The following CELSR1 variants were observed in gnomAD, a reference collection of about 807,000 sequenced individuals.
The protein encoded by CELSR1 is adhesion G protein-coupled receptor C1.
In CELSR1, 110 loss-of-function variants were observed where a neutral mutation model predicts 249.1. The observed-to-expected ratio is 0.44, with a 90% CI of 0.38 to 0.52. The LOEUF (loss-of-function observed/expected upper bound fraction) is 0.52. Among genes scored for constraint, CELSR1 ranks in the 20% least tolerant of loss-of-function variants. The probability of loss-of-function intolerance (pLI) is 0.00; values close to 1 mark genes in which losing one functional copy is unlikely to be tolerated. For missense variants in CELSR1, 4,109 were observed against 4,296.4 expected, an observed-to-expected ratio of 0.96 and a Z score of 1.22; for synonymous variants, 2,113 against 1,900.0, an observed-to-expected ratio of 1.11 and a Z score of -2.92.
Position 46,380,687 on chromosome 22 carries a change from G to C in CELSR1, c.7256+101C>G, listed in dbSNP as rs1354744406. 1 of 1,373,618 alleles carries C rather than the reference G, an allele frequency of 7.3e-7. No individual in the cohort carries two copies. The highest frequency in any genetic ancestry group is 1.0e-6 in the Non-Finnish European group (1 of 1,001,448). The allele number at this position is 1,373,618 out of a possible 1,614,324, so 85.1% of individuals were successfully genotyped here. On this transcript the variant is annotated intron_variant, in intron 22 of 34. Transcript: ENST00000674500. This position sits in a 1 kb window ranked among gnomAD's most constrained non-coding sequence, Gnocchi z 5.1. ...CTTAAAGGGGAAACACAGACCACAAGAGACCGTCCTCTTGGGGCGCTCTGC... is the reference window on the plus strand; with the variant it reads ...CTTAAAGGGGAAACACAGACCACAACAGACCGTCCTCTTGGGGCGCTCTGC...
chr22:46,368,416 C>T (rs939410718), intron 27 of CELSR1, among the ~76,000 whole-genome samples: 1 of 151,982 alleles, frequency 6.6e-6, no homozygotes, highest in Non-Finnish European at 1.5e-5. Context: ...CCCGTGCACC[C>T]CCATATCCGG....
In CELSR1 at chr22:46,363,849, C is replaced by A; in HGVS notation, c.9035+147G>T. On this transcript the variant is annotated intron_variant, in intron 34 of 34. Transcript: ENST00000674500. The surrounding 1 kb of genome is among the most constrained non-coding windows in gnomAD (Gnocchi z 4.3). ...CCTGACCTCAGCTGCAGCGCCTCCC[C>A]CCTCCCCCATCCCCGCCTGGGCTTC... 1.8e-6 allele frequency: 2 copies of A among 1,121,714 alleles called. No individual in the cohort carries two copies. The highest frequency in any genetic ancestry group is 2.7e-5 in the East Asian group (1 of 37,608). The allele number at this position is 1,121,714 out of a possible 1,614,324, so 69.5% of individuals were successfully genotyped here. A position where few individuals can be genotyped will look rare whatever the true frequency, so the allele number is the denominator to read the frequency against.
intron 2 of CELSR1, chr22:46,462,784 T>C (rs1168547128): frequency 2.9e-6 from 1 of 348,398 alleles, no homozygotes; most frequent in Non-Finnish European, 5.8e-6. Context: ...TGTGTGTTTC[T>C]GTACCGCTCT....
At chr22:46,365,541 G>A (rs2078759508) in intron 31 of CELSR1, 45 bp downstream of exon 31, 1 of 1,552,544 alleles carries the variant, frequency 6.4e-7, no homozygotes, top group Non-Finnish European at 8.7e-7. Context: ...GAAGGGACGT[G>A]GGAAAAACAA....
intron 22 of CELSR1, 85 bp from the exon 23 acceptor site, chr22:46,378,802 G>A (rs1158364362): frequency 6.6e-7 from 1 of 1,511,822 alleles, no homozygotes; most frequent in East Asian, 2.4e-5. Flanking sequence ...CCCAGCCCTG[G>A]GGGCTCCCAG....
rs370573042 is a variant in CELSR1 at position 46,378,651 on chromosome 22, G to T, written c.7323C>A (p.Val2441=). 1.2e-6 allele frequency: 2 copies of T among 1,608,404 alleles called. No individual in the cohort carries two copies. Among genetic ancestry groups the T allele is most frequent in the South Asian group, 2.2e-5 (2 of 89,840 alleles). Reference sequence around the variant, plus strand: ...TGGCTGTGTGGCTGCACTGGCAGGCGACATGTGTCCGGTTCCTGGACAGGA... The same window carrying T: ...TGGCTGTGTGGCTGCACTGGCAGGCTACATGTGTCCGGTTCCTGGACAGGA... The part of the protein sequence containing the change: ...CELLSRNRTH[V]ACQCSHTASF... Residue 2441 remains valine, a synonymous_variant, in exon 23 of 35, where the codon GTC becomes GTA. Transcript: ENST00000674500.
Position 46,535,804 on chromosome 22 carries a change from T to C in CELSR1, c.1367A>G (p.Tyr456Cys), listed in dbSNP as rs767378020. 2 of 1,611,880 alleles carry C rather than the reference T, an allele frequency of 1.2e-6. No individual in the cohort carries two copies. Among genetic ancestry groups the C allele is most frequent in the South Asian group, 1.1e-5 (1 of 91,058 alleles). ...YIEVEDENDNYPQFSEQNYVV... is the reference protein window; with the variant it reads ...YIEVEDENDNCPQFSEQNYVV... ...GTAGTTCTGCTCGCTGAACTGGGGG[T>C]AGTTGTCGTTCTCGTCCTCCACCTC... The change falls in exon 1 of 35, where the codon TAC (tyrosine) becomes TGC (cysteine). Residue 456 changes from tyrosine (Y) to cysteine (C), a missense_variant. Physicochemically the swap from Tyr to Cys is radical, Grantham distance 194 (BLOSUM62 -2). Transcript: ENST00000674500.
Position 46,517,305 on chromosome 22 carries a change from C to G in CELSR1, c.3544+16322G>C, listed in dbSNP as rs1323287169. 2.6e-5 allele frequency among the ~76,000 whole-genome samples: 4 copies of G among 152,230 alleles called. No individual in the cohort carries two copies. The highest frequency in any genetic ancestry group is 4.4e-5 in the Non-Finnish European group (3 of 68,040). ...GAAAAACAGGAGGGAAGAGAGAATT[C>G]CTGCCACAAATGCAATGGGTTTCCC... is the stretch of plus-strand genomic sequence containing the variant. On this transcript the variant is annotated intron_variant, in intron 1 of 34. Coordinates refer to ENST00000674500, the MANE Select transcript of CELSR1 (RefSeq NM_001378328.1). The surrounding 1 kb of genome is among the most constrained non-coding windows in gnomAD (Gnocchi z 5.4).
Position 46,401,496 on chromosome 22 carries a change from C to A in CELSR1, c.5227-1594G>T, listed in dbSNP as rs1369558125. Among the ~76,000 whole-genome samples, 3 of 152,230 alleles carry A rather than the reference C, an allele frequency of 2.0e-5. No individual in the cohort carries two copies. Among genetic ancestry groups the A allele is most frequent in the Non-Finnish European group, 4.4e-5 (3 of 68,038 alleles). ...GTGTGCTTCCCTGCAAGGCCGTCAG[C>A]TGGTTCTGGAAGACACAGTGGAGGC... On this transcript the variant is annotated intron_variant, in intron 9 of 34. Transcript: ENST00000674500. This position sits in a 1 kb window ranked among gnomAD's most constrained non-coding sequence, Gnocchi z 4.7.
At chr22:46,465,867 G>A (rs185756547) in intron 1 of CELSR1, among the ~76,000 whole-genome samples, 4 of 152,330 alleles carry the variant, frequency 2.6e-5, no homozygotes, top group East Asian at 1.9e-4. Flanking sequence ...ACGCAGGCCC[G>A]GCTGGGGATG....
intron 3 of CELSR1, 69 bp downstream of exon 3, chr22:46,439,120 G>A (rs2079705375): frequency 2.2e-6 from 3 of 1,390,302 alleles, no homozygotes; most frequent in Non-Finnish European, 2.0e-6. Context: ...CTAGAGGGAT[G>A]GGGTGCACGG....
At position 46,471,553 on chromosome 22, in the gene CELSR1, C is replaced by G. The variant is rs928084837; in HGVS notation, c.3545-7208G>C. ...TACAGGAGCATGCCACCATGCCTGG[C>G]TGGGTTTTCTGTTCTTGTTTTTTGT... is the stretch of plus-strand genomic sequence containing the variant. On this transcript the variant is annotated intron_variant, in intron 1 of 34. Transcript: ENST00000674500. The surrounding 1 kb of genome is among the most constrained non-coding windows in gnomAD (Gnocchi z 4.9). Among the ~76,000 whole-genome samples the G allele has an allele frequency of 1.3e-5, 2 of 152,104 alleles. No individual in the cohort carries two copies. Among genetic ancestry groups the G allele is most frequent in the Admixed American group, 6.6e-5 (1 of 15,252 alleles).
chr22:46,389,295 G>A lies in CELSR1; in HGVS notation c.6550C>T (p.His2184Tyr). ...DLAATQDADF[H>Y]EDVIHSGSAL... Reference sequence around the variant, plus strand: ...GGTGGCGGCCACCCGCCTACCTCGTGAAAGTCGGCGTCCTGCGTGGCTGCC... The same window carrying A: ...GGTGGCGGCCACCCGCCTACCTCGTAAAAGTCGGCGTCCTGCGTGGCTGCC... The change falls in exon 18 of 35, where the codon CAC becomes TAC. Residue 2184 changes from histidine (H) to tyrosine (Y), a missense_variant. Physicochemically the swap from His to Tyr is moderately conservative, Grantham distance 83. Around this residue, in one of 7 missense-constraint regions of CELSR1, gnomAD observed 1,805 missense variants for 1,831.6 expected, o/e 0.99. Coordinates refer to ENST00000674500, the MANE Select transcript of CELSR1 (RefSeq NM_001378328.1). 6.2e-7 allele frequency: 1 copy of A among 1,605,088 alleles called. No individual in the cohort carries two copies. The highest frequency in any genetic ancestry group is 2.2e-5 in the East Asian group (1 of 44,876).
chr22:46,419,083 C>G (rs1027779634), intron 5 of CELSR1, among the ~76,000 whole-genome samples: 2 of 152,148 alleles, frequency 1.3e-5, no homozygotes, highest in Non-Finnish European at 2.9e-5. Context: ...TGAGCCAGAC[C>G]CTGGACCAAA....
At chr22:46,442,901 C>T (rs1472066337) in intron 2 of CELSR1, among the ~76,000 whole-genome samples, 1 of 151,804 alleles carries the variant, frequency 6.6e-6, no homozygotes, top group Non-Finnish European at 1.5e-5. Flanking sequence ...ACCATCCTGG[C>T]TAACACGGTG....
chr22:46,365,443 CCAAG>C (rs2078758243), intron 31 of CELSR1, 63 bp from the exon 32 acceptor site: 2 of 1,589,160 alleles, frequency 1.3e-6, no homozygotes, highest in Admixed American at 3.4e-5. Context: ...CCACCGAGGG[CCAAG>C]CAGAGCCACT....
chr22:46,492,315 T>C (rs1000203682), intron 1 of CELSR1, among the ~76,000 whole-genome samples: 1 of 152,208 alleles, frequency 6.6e-6, no homozygotes, highest in Non-Finnish European at 1.5e-5. Flanking sequence ...CCCTCAATGG[T>C]CTCAGTTACG....
chr22:46,516,331 A>G (rs1011387491), intron 1 of CELSR1, among the ~76,000 whole-genome samples: 3 of 152,102 alleles, frequency 2.0e-5, no homozygotes, highest in African/African-American at 7.2e-5. Flanking sequence ...GCTGGAAACC[A>G]TCATTCTCAG....
At chr22:46,514,284 G>A (rs1030413283) in intron 1 of CELSR1, among the ~76,000 whole-genome samples, 3 of 152,182 alleles carry the variant, frequency 2.0e-5, no homozygotes, top group African/African-American at 7.2e-5. Context: ...AACCCAGTAA[G>A]CGAGACTACT....
Sources: gnomAD v4.1 joint callset for allele counts (sites outside exome capture counted in the v4.1 genomes callset) on GRCh38, gnomAD v4.1.1 for gene constraint, gnomAD v4.1.1 regional missense constraint, Gnocchi (gnomAD v3.1) non-coding constraint, MANE v1.5 for transcripts, NCBI Gene and HGNC (gene_info 2026-07-23, HGNC 2026-07-21) for gene names.